Variants in VASH1 observed in about 807,000 individuals in gnomAD.
VASH1 encodes vasohibin 1, also known as tubulinyl-Tyr carboxypeptidase 1.
VASH1 carries 16 observed loss-of-function variants against 35.0 expected under a neutral mutation model. The observed-to-expected ratio is 0.46, with a 90% CI of 0.31 to 0.70. The LOEUF (loss-of-function observed/expected upper bound fraction) is 0.70. Among genes scored for constraint, VASH1 ranks in the 30% least tolerant of loss-of-function variants. The probability of loss-of-function intolerance (pLI) is 0.05; values close to 1 mark genes in which losing one functional copy is unlikely to be tolerated. For missense variants in VASH1, 505 were observed against 510.7 expected (o/e 0.99, Z 0.11); for synonymous variants, 214 against 200.9 (o/e 1.07, Z -0.55).
intron 1 of VASH1, among the ~76,000 whole-genome samples, chr14:76,766,659 C>T (rs1893649973): frequency 6.6e-6 from 1 of 152,100 alleles, no homozygotes; most frequent in Admixed American, 6.6e-5. Context: ...CCAGGCTGGT[C>T]TCAAACTCCT....
Position 76,782,306 on chromosome 14 carries a change from C to T in VASH1, c.*3288C>T, listed in dbSNP as rs1442737341. On this transcript the variant is annotated 3_prime_UTR_variant, in exon 7 of 7. Transcript: ENST00000167106. Reference sequence around the variant, plus strand: ...CTGGCCTTGGGATGTGATGATAAAGCAAGCCTAGGGCCAGGGTTTGGGGAG... The same window carrying T: ...CTGGCCTTGGGATGTGATGATAAAGTAAGCCTAGGGCCAGGGTTTGGGGAG... The T allele has an allele frequency of 6.6e-6, 1 of 152,218 alleles. No homozygotes were observed. The highest frequency in any genetic ancestry group is 1.5e-5 in the Non-Finnish European group (1 of 68,072). 9.4% of individuals were successfully genotyped at this position (152,218 alleles called of 1,614,324 possible). A position where few individuals can be genotyped will look rare whatever the true frequency, so the allele number is the denominator to read the frequency against.
chr14:76,776,177 G>C lies in VASH1; in HGVS notation c.816G>C (p.Gln272His), dbSNP rs1893935623. Residue 272 changes from glutamine to histidine, a missense_variant, in exon 5 of 7, where the codon CAG becomes CAC. Physicochemically the swap from Gln to His is conservative, Grantham distance 24 (BLOSUM62 0). Transcript: ENST00000167106. ...CACACGACCCGCACAGCGTGGAGCA[G>C]ATCGAGTGGAAGCACTCGGTGCTGG... is the stretch of plus-strand genomic sequence containing the variant. ...SVSHDPHSVE[Q>H]IEWKHSVLDV... The C allele has an allele frequency of 3.1e-6, 5 of 1,610,808 alleles. No homozygotes were observed. The South Asian group carries it at 3.3e-5, about 11-fold the overall frequency.
At position 76,782,015 on chromosome 14, in the gene VASH1, G is replaced by GGA. The variant is rs1393687024; in HGVS notation, c.*2999_*3000dup. 13 of 152,536 alleles carry GGA rather than the reference G, an allele frequency of 8.5e-5. No homozygotes were observed. The highest frequency in any genetic ancestry group is 8.5e-4 in the Admixed American group (13 of 15,300). The allele number at this position is 152,536 out of a possible 1,614,324, so 9.4% of individuals were successfully genotyped here. ...CCTGGAGGTGGGGGCTGCTGGCTGAGGAGGGGTCAAGGTGAGTTCAAGAAA... is the reference window on the plus strand; with the variant it reads ...CCTGGAGGTGGGGGCTGCTGGCTGAGGAGAGGGGTCAAGGTGAGTTCAAGAAA... On this transcript the variant is annotated 3_prime_UTR_variant, in exon 7 of 7. Coordinates refer to ENST00000167106, the MANE Select transcript of VASH1 (RefSeq NM_014909.5).
At chr14:76,764,307 T>G (rs1258880433) in intron 1 of VASH1, among the ~76,000 whole-genome samples, 1 of 152,232 alleles carries the variant, frequency 6.6e-6, no homozygotes, top group African/African-American at 2.4e-5. Flanking sequence ...AAACAAAATG[T>G]AGATTGATTT....
At chr14:76,764,461 T>C (rs1893588664) in intron 1 of VASH1, among the ~76,000 whole-genome samples, 1 of 152,232 alleles carries the variant, frequency 6.6e-6, no homozygotes, top group African/African-American at 2.4e-5. Flanking sequence ...TCATCTCTGA[T>C]TATTTCCTTG....
chr14:76,771,633 G>C (rs1362509140), intron 3 of VASH1, among the ~76,000 whole-genome samples: 1 of 152,120 alleles, frequency 6.6e-6, no homozygotes, highest in African/African-American at 2.4e-5. Flanking sequence ...TGCGGCTGCC[G>C]CACTCCCCAT....
At chr14:76,769,475 G>A in intron 1 of VASH1, 2 of 1,288,928 alleles carry the variant, frequency 1.6e-6, no homozygotes, top group Non-Finnish European at 2.0e-6. Flanking sequence ...GATACTGGGT[G>A]GGTCCCCTAC....
chr14:76,769,197 T>C (rs1213555761), intron 1 of VASH1: 2 of 1,128,776 alleles, frequency 1.8e-6, no homozygotes, highest in Non-Finnish European at 2.3e-6. Flanking sequence ...AAACACTGCC[T>C]GTTCTCTCCT....
intron 3 of VASH1, among the ~76,000 whole-genome samples, chr14:76,772,131 T>C (rs554448854): frequency 1.3e-5 from 2 of 151,998 alleles, no homozygotes; most frequent in East Asian, 3.9e-4. Flanking sequence ...TCCCAGCTAC[T>C]TGGGAGGCTG....
At position 76,779,089 on chromosome 14, in the gene VASH1, G is replaced by C; in HGVS notation, c.*71G>C. On this transcript the variant is annotated 3_prime_UTR_variant, in exon 7 of 7. Coordinates refer to ENST00000167106, the MANE Select transcript of VASH1 (RefSeq NM_014909.5). ...ATCCACCTGCTGGAACCAGCCTTAT[G>C]CATGGGGAAGGCGGGGCTGGTGACA... The C allele has an allele frequency of 2.6e-6, 4 of 1,519,726 alleles. No individual in the cohort carries two copies. Among genetic ancestry groups the C allele is most frequent in the Non-Finnish European group, 3.6e-6 (4 of 1,099,022 alleles). 94.1% of individuals were successfully genotyped at this position (1,519,726 alleles called of 1,614,324 possible).
Position 76,762,699 on chromosome 14 carries a change from C to A in VASH1, c.-123C>A. 2 of 820,788 alleles carry A rather than the reference C, an allele frequency of 2.4e-6. No individual in the cohort carries two copies. The highest frequency in any genetic ancestry group is 3.6e-6 in the Non-Finnish European group (2 of 561,218). The allele number at this position is 820,788 out of a possible 1,614,324, so 50.8% of individuals were successfully genotyped here. ...GTCGTATTTTATTGTACAGGAGCCA[C>A]GCCCTGATTTCTTAAAGGCGCCTTG... On this transcript the variant is annotated 5_prime_UTR_variant, in exon 1 of 7. Transcript: ENST00000167106.
intron 1 of VASH1, chr14:76,769,161 C>T (rs1893723484): frequency 5.1e-6 from 3 of 588,806 alleles, no homozygotes; most frequent in Non-Finnish European, 6.4e-6. Flanking sequence ...TTACCCCCAG[C>T]AGCCTCCAGG....
At chr14:76,769,888 G>A (rs1429979060) in intron 1 of VASH1, 75 bp from the exon 2 acceptor site, 1 of 1,512,988 alleles carries the variant, frequency 6.6e-7, no homozygotes, top group East Asian at 2.3e-5. Context: ...TCTGGGGCCA[G>A]TCCTAGGTGT....
In VASH1 at chr14:76,762,633, C is replaced by G. The variant is rs1249626839; in HGVS notation, c.-189C>G. 6 of 457,852 alleles carry G rather than the reference C, an allele frequency of 1.3e-5. No homozygotes were observed. The East Asian group carries it at 2.1e-4, about 16-fold the overall frequency. 28.4% of individuals were successfully genotyped at this position (457,852 alleles called of 1,614,324 possible). A position where few individuals can be genotyped will look rare whatever the true frequency, so the allele number is the denominator to read the frequency against. Reference sequence around the variant, plus strand: ...GCTGACCCCAGACAACCCACCCCCTCGGACCCTAATTCACCTTATTGCACT... The same window carrying G: ...GCTGACCCCAGACAACCCACCCCCTGGGACCCTAATTCACCTTATTGCACT... On this transcript the variant is annotated 5_prime_UTR_variant, in exon 1 of 7. Coordinates refer to ENST00000167106, the MANE Select transcript of VASH1 (RefSeq NM_014909.5).
intron 4 of VASH1, chr14:76,774,911 C>T (rs574034922): frequency 1.3e-5 from 2 of 152,314 alleles, no homozygotes; most frequent in African/African-American, 4.8e-5. Flanking sequence ...TGGGAGTCCT[C>T]CTCTGCAAAG....
At position 76,782,578 on chromosome 14, in the gene VASH1, T is replaced by A. The variant is rs1233046648; in HGVS notation, c.*3560T>A. On this transcript the variant is annotated 3_prime_UTR_variant, in exon 7 of 7. Coordinates refer to ENST00000167106, the MANE Select transcript of VASH1 (RefSeq NM_014909.5). ...AGGAACATACATGCAGGGCCCAACA[T>A]GATGATGGTGTGAAGGGCAGGAAAC... The A allele has an allele frequency of 6.6e-6, 1 of 152,226 alleles. No individual in the cohort carries two copies. Among genetic ancestry groups the A allele is most frequent in the Non-Finnish European group, 1.5e-5 (1 of 68,048 alleles). The allele number at this position is 152,226 out of a possible 1,614,324, so 9.4% of individuals were successfully genotyped here. A position where few individuals can be genotyped will look rare whatever the true frequency, so the allele number is the denominator to read the frequency against.
In VASH1 at chr14:76,769,984, A is replaced by C. The variant is rs763794533; in HGVS notation, c.331A>C (p.Thr111Pro). ...LPKIPIPSVP[T>P]FQPSTPVPER... The stretch of plus-strand genomic sequence containing the variant: ...CCAGATCCCCATACCGAGTGTGCCT[A>C]CGTTCCAGCCGTCTACACCTGTCCC... Residue 111 changes from threonine to proline, a missense_variant, in exon 2 of 7, where the codon ACG becomes CCG. Physicochemically the swap from Thr to Pro is conservative, Grantham distance 38. Coordinates refer to ENST00000167106, the MANE Select transcript of VASH1 (RefSeq NM_014909.5). 4 of 1,613,778 alleles carry C rather than the reference A, an allele frequency of 2.5e-6. No individual in the cohort carries two copies. The African/African-American group carries it at 5.3e-5, about 22-fold the overall frequency.
chr14:76,775,857 TCTC>T, intron 4 of VASH1, 32 bp from the exon 5 acceptor site: 6 of 1,516,532 alleles, frequency 4.0e-6, no homozygotes, highest in Non-Finnish European at 5.3e-6. Flanking sequence ...GCCCCGTGCT[TCTC>T]CTGGCTCTTT....
intron 1 of VASH1, among the ~76,000 whole-genome samples, chr14:76,765,723 T>C (rs1326938194): frequency 6.6e-6 from 1 of 152,156 alleles, no homozygotes; most frequent in African/African-American, 2.4e-5. Context: ...TTTCAGAAAA[T>C]AAGAAGACTT....
Sources: allele counts gnomAD v4.1 joint callset (sites outside exome capture counted in the v4.1 genomes callset), GRCh38; gene constraint gnomAD v4.1.1; transcripts MANE v1.5; gene names NCBI Gene and HGNC (gene_info 2026-07-23, HGNC 2026-07-21).